Variants in IREB2 observed in about 807,000 individuals in gnomAD.
The protein encoded by IREB2 is iron-responsive element-binding protein 2.
IREB2 carries 39 observed loss-of-function variants against 118.8 expected under a neutral mutation model. The ratio of observed to expected loss-of-function variants is 0.33; its 90% CI spans 0.25 to 0.43. The LOEUF (loss-of-function observed/expected upper bound fraction) is 0.43. Ranked by LOEUF, IREB2 falls within the 20% of genes least tolerant of loss-of-function variation. The pLI, the probability that IREB2 is intolerant of heterozygous loss-of-function variation, is 1.00. For missense variants in IREB2, 900 were observed against 1,147.3 expected, an observed-to-expected ratio of 0.78 and a Z score of 3.11; for synonymous variants, 372 against 392.2, an observed-to-expected ratio of 0.95 and a Z score of 0.61.
intron 2 of IREB2, among the ~76,000 whole-genome samples, chr15:78,459,743 A>G (rs2051166667): frequency 1.3e-5 from 2 of 152,234 alleles, no homozygotes. Context: ...ACAGTATCCA[A>G]ATAGGGCCAA....
intron 7 of IREB2, 143 bp downstream of exon 7, chr15:78,472,067 C>T: frequency 1.8e-6 from 1 of 571,128 alleles, no homozygotes; most frequent in Non-Finnish European, 2.9e-6. Flanking sequence ...ACAACAAAAT[C>T]CTAATTGAGA....
rs139618387 is a variant in IREB2 at position 78,479,657 on chromosome 15, T to C, written c.1296+1260T>C. On this transcript the variant is annotated intron_variant, in intron 10 of 21. Coordinates refer to ENST00000258886, the MANE Select transcript of IREB2 (RefSeq NM_004136.4). ...TTCAGAATAATCAGTTTCGATGTTA[T>C]CTGCATCTGGTTTACTTGTGTATTT... 7.6e-3 allele frequency among the ~76,000 whole-genome samples: 1,152 copies of C among 152,338 alleles called. 16 individuals carry two copies. Among genetic ancestry groups the C allele is most frequent in the African/African-American group, 0.026 (1,083 of 41,568 alleles).
intron 7 of IREB2, 58 bp from the exon 8 acceptor site, chr15:78,473,184 A>G: frequency 1.3e-6 from 2 of 1,498,156 alleles, no homozygotes; most frequent in Non-Finnish European, 1.8e-6. Flanking sequence ...TTCAGATGTT[A>G]CAGAGATAAA....
At chr15:78,482,781 T>C (rs974495654) in intron 10 of IREB2, among the ~76,000 whole-genome samples, 1 of 151,650 alleles carries the variant, frequency 6.6e-6, no homozygotes, top group African/African-American at 2.4e-5. Context: ...GGAGTCTCGC[T>C]GTGTTACCCA....
intron 9 of IREB2, among the ~76,000 whole-genome samples, chr15:78,477,399 G>C (rs1252514647): frequency 3.9e-5 from 6 of 152,260 alleles, no homozygotes; most frequent in South Asian, 4.2e-4. Flanking sequence ...AATCCTGAAG[G>C]CTTGTTGTGC....
At chr15:78,471,654 A>G (rs945492710) in intron 6 of IREB2, 87 bp from the exon 7 acceptor site, 6 of 759,688 alleles carry the variant, frequency 7.9e-6, no homozygotes. Context: ...ATTAGTTAAA[A>G]TATTTTTAAT....
chr15:78,470,689 C>CTTTTTTT (rs67871183), intron 6 of IREB2, 88 bp downstream of exon 6: 6 of 209,980 alleles, frequency 2.9e-5, no homozygotes, highest in Non-Finnish European at 5.0e-5. Flanking sequence ...TTTTCTTTTC[C>CTTTTTTT]TTTTTTTTTT....
Position 78,497,315 on chromosome 15 carries a change from T to A in IREB2, c.2781+4T>A, listed in dbSNP as rs775913531. 6 of 1,598,214 alleles carry A rather than the reference T, an allele frequency of 3.8e-6. No homozygotes were observed. The South Asian group carries it at 5.6e-5, about 15-fold the overall frequency. On this transcript the variant is annotated splice_donor_region_variant and intron_variant, in intron 21 of 21. Transcript: ENST00000258886. Reference sequence around the variant, plus strand: ...TGGAATTACATTGAATATACAGGTATCTCTAAATTTTTCAAATATATGATT... The same window carrying A: ...TGGAATTACATTGAATATACAGGTAACTCTAAATTTTTCAAATATATGATT...
intron 10 of IREB2, among the ~76,000 whole-genome samples, chr15:78,482,388 A>C (rs1953845610): frequency 6.6e-6 from 1 of 152,206 alleles, no homozygotes; most frequent in Admixed American, 6.5e-5. Context: ...TGCCAGAAGA[A>C]ATAAATAGGA....
intron 2 of IREB2, among the ~76,000 whole-genome samples, chr15:78,444,154 C>T (rs1294845228): frequency 2.0e-5 from 3 of 152,040 alleles, no homozygotes; most frequent in Admixed American, 6.5e-5. Context: ...AACTCCTGAG[C>T]TCAGGAGATC....
intron 10 of IREB2, among the ~76,000 whole-genome samples, chr15:78,478,716 A>T (rs563398996): frequency 1.3e-5 from 2 of 152,256 alleles, no homozygotes; most frequent in African/African-American, 2.4e-5. Flanking sequence ...AAAAGGAAAA[A>T]AATAATAATA....
chr15:78,488,737 T>C lies in IREB2; in HGVS notation c.2042T>C (p.Leu681Pro). 2.6e-6 allele frequency: 4 copies of C among 1,548,236 alleles called. No homozygotes were observed. The highest frequency in any genetic ancestry group is 2.7e-6 in the Non-Finnish European group (3 of 1,122,420). The change falls in exon 16 of 22, where the codon CTA becomes CCA. Residue 681 changes from leucine to proline, a missense_variant. By Grantham distance (98) the Leu-to-Pro change is moderately conservative. Coordinates refer to ENST00000258886, the MANE Select transcript of IREB2 (RefSeq NM_004136.4). Reference sequence around the variant, plus strand: ...CGAGTAGAGGAAGAACATGTTATACTATCCATGTTTAAAGCATTAAAAGAT... The same window carrying C: ...CGAGTAGAGGAAGAACATGTTATACCATCCATGTTTAAAGCATTAAAAGAT... ...VHRVEEEHVI[L>P]SMFKALKDKI... is the part of the protein sequence containing the mutation.
rs568679207 is a variant in IREB2, at chr15:78,463,375, A to C, written c.272+288A>C. The stretch of plus-strand genomic sequence containing the variant: ...AGGATTACTTAAGCCCAGGAGGTTG[A>C]GGCTGCAGTGAGCTGTGATCACACC... On this transcript the variant is annotated intron_variant, in intron 3 of 21. Transcript: ENST00000258886. 3.7e-4 allele frequency among the ~76,000 whole-genome samples: 56 copies of C among 152,212 alleles called. 1 individual carries two copies. The highest frequency in any genetic ancestry group is 6.9e-4 in the Non-Finnish European group (47 of 68,010).
chr15:78,490,621 C>T lies in IREB2; in HGVS notation c.2184C>T (p.Thr728=). 1 of 1,613,792 alleles carries T rather than the reference C, an allele frequency of 6.2e-7. No homozygotes were observed. The part of the protein sequence containing the change: ...IRCPSFFDKL[T]KEPIALQAIE... Reference sequence around the variant, plus strand: ...TGCCTTGAACTTTTACCTTCTAGACCAAAGAGCCAATTGCACTCCAGGCTA... The same window carrying T: ...TGCCTTGAACTTTTACCTTCTAGACTAAAGAGCCAATTGCACTCCAGGCTA... Residue 728 remains threonine, a splice_region_variant and synonymous_variant, in exon 18 of 22, where the codon ACC becomes ACT. Coordinates refer to ENST00000258886, the MANE Select transcript of IREB2 (RefSeq NM_004136.4).
chr15:78,476,196 G>A lies in IREB2; in HGVS notation c.1032G>A (p.Arg344=), dbSNP rs2051467013. 6.3e-7 allele frequency: 1 copy of A among 1,587,272 alleles called. No individual in the cohort carries two copies. ...DVVLGITKHL[R]QVGVAGKFVE... ...GTGTATTCCTTATATAGCACCTCAGGCAAGTAGGAGTGGCTGGAAAGTTTG... is the reference window on the plus strand; with the variant it reads ...GTGTATTCCTTATATAGCACCTCAGACAAGTAGGAGTGGCTGGAAAGTTTG... The change falls in exon 9 of 22, where the codon AGG becomes AGA. Residue 344 remains arginine, a synonymous_variant. Coordinates refer to ENST00000258886, the MANE Select transcript of IREB2 (RefSeq NM_004136.4).
chr15:78,468,696 C>T (rs2051326304), intron 5 of IREB2, among the ~76,000 whole-genome samples: 2 of 152,102 alleles, frequency 1.3e-5, no homozygotes, highest in Admixed American at 6.6e-5. Context: ...CTGGATCTTC[C>T]AAATTCTGTC....
In IREB2 at chr15:78,471,926, TA is replaced by T; in HGVS notation, c.883+4del. On this transcript the variant is annotated splice_donor_region_variant and intron_variant, in intron 7 of 21. Coordinates refer to ENST00000258886, the MANE Select transcript of IREB2 (RefSeq NM_004136.4). The stretch of plus-strand genomic sequence containing the variant: ...ATGGTTTAGGGATTCTGGGGTGGGG[TA>T]AGTAAATGACTAAATATATTTCATT... The T allele has an allele frequency of 6.4e-7, 1 of 1,557,536 alleles. No individual in the cohort carries two copies.
rs565796385 is a variant in IREB2, at chr15:78,450,870, G to A, written c.106+10989G>A. On this transcript the variant is annotated intron_variant, in intron 2 of 21. Transcript: ENST00000258886. ...TGTGTGTGTGTGTGTGTGTGTGTGT[G>A]TGTATTTTAATATACAATGTAATGG... Among the ~76,000 whole-genome samples, 737 of 126,282 alleles carry A rather than the reference G, an allele frequency of 5.8e-3. 3 individuals are homozygous for A. Among genetic ancestry groups the A allele is most frequent in the Middle Eastern group, 0.034 (8 of 232 alleles). The allele number at this position is 126,282 out of a possible 152,430, so 82.8% of individuals were successfully genotyped here. A position where few individuals can be genotyped will look rare whatever the true frequency, so the allele number is the denominator to read the frequency against.
rs565380295 is a variant in IREB2, at chr15:78,500,093, G to A, written c.*1950G>A. 1.3e-3 allele frequency: 194 copies of A among 152,364 alleles called. 1 individual carries two copies. The highest frequency in any genetic ancestry group is 4.2e-3 in the African/African-American group (176 of 41,530). The allele number at this position is 152,364 out of a possible 1,614,324, so 9.4% of individuals were successfully genotyped here. ...TCTGAATCTCTTGACCTCGTGATCCGCCCGCCTTGGCCTCCACAAGTGCTG... is the reference window on the plus strand; with the variant it reads ...TCTGAATCTCTTGACCTCGTGATCCACCCGCCTTGGCCTCCACAAGTGCTG... On this transcript the variant is annotated 3_prime_UTR_variant, in exon 22 of 22. Coordinates refer to ENST00000258886, the MANE Select transcript of IREB2 (RefSeq NM_004136.4).
Sources: gnomAD v4.1 joint callset for allele counts (sites outside exome capture counted in the v4.1 genomes callset) on GRCh38, gnomAD v4.1.1 for gene constraint, MANE v1.5 for transcripts, NCBI Gene and HGNC (gene_info 2026-07-23, HGNC 2026-07-21) for gene names.